Variants in STAT5A observed in about 807,000 individuals in gnomAD.
STAT5A encodes epididymis secretory sperm binding protein.
In STAT5A, 26 loss-of-function variants were observed where a neutral mutation model predicts 100.2. The observed-to-expected ratio is 0.26, with a 90% confidence interval of 0.19 to 0.36. The LOEUF is 0.36. Among genes scored for constraint, STAT5A ranks in the 10% least tolerant of loss-of-function variants. The pLI is 1.00. For synonymous variants in STAT5A, 330 were observed against 424.3 expected (o/e 0.78, Z 2.73); for missense variants, 634 against 1,027.5 (o/e 0.62, Z 5.24).
rs772505608 is a variant in STAT5A at position 42,310,702 on chromosome 17, A to G, written c.*33A>G. On this transcript the variant is annotated 3_prime_UTR_variant, in exon 19 of 19. Transcript: ENST00000590949. The stretch of plus-strand genomic sequence containing the variant: ...AATCCCACGCTTCTCTTTGGAAACA[A>G]TATGCAATGTGAAGCGGTCGTGTTG... 6.2e-7 allele frequency: 1 copy of G among 1,613,362 alleles called. No homozygotes were observed.
chr17:42,292,152 G>C (rs2080875292), intron 4 of STAT5A, 91 bp downstream of exon 4: 1 of 1,463,814 alleles, frequency 6.8e-7, no homozygotes, highest in Non-Finnish European at 9.4e-7. Flanking sequence ...TAAAACAGCA[G>C]CACGAGGAGA....
Position 42,289,468 on chromosome 17 carries a change from G to A in STAT5A, c.57G>A (p.Gln19=). ...QLQGDALRQM[Q]VLYGQHFPIE... is the part of the protein sequence containing the mutation. Reference sequence around the variant, plus strand: ...AGGGAGACGCGCTGCGCCAGATGCAGGTGCTGTACGGCCAGCACTTCCCCA... The same window carrying A: ...AGGGAGACGCGCTGCGCCAGATGCAAGTGCTGTACGGCCAGCACTTCCCCA... The change falls in exon 2 of 19, where the codon CAG becomes CAA. Residue 19 remains glutamine (Q), a synonymous_variant. Transcript: ENST00000590949. 6.2e-7 allele frequency: 1 copy of A among 1,613,162 alleles called. No individual in the cohort carries two copies. Among genetic ancestry groups the A allele is most frequent in the Non-Finnish European group, 8.5e-7 (1 of 1,179,948 alleles).
intron 3 of STAT5A, 165 bp downstream of exon 3, chr17:42,290,187 G>A: frequency 9.3e-7 from 1 of 1,075,698 alleles, no homozygotes; most frequent in South Asian, 2.0e-5. Context: ...AATTCGACCT[G>A]TCGGATTTCT....
intron 17 of STAT5A, 93 bp from the exon 18 acceptor site, chr17:42,309,284 C>T: frequency 1.3e-6 from 2 of 1,542,974 alleles, no homozygotes; most frequent in Non-Finnish European, 1.8e-6. Context: ...CCGTCTACAC[C>T]CCGAGAAAGA....
At chr17:42,307,525 G>A (rs770055041) in intron 14 of STAT5A, 29 bp downstream of exon 14, 1 of 1,613,992 alleles carries the variant, frequency 6.2e-7, no homozygotes, top group Non-Finnish European at 8.5e-7. Context: ...AGGGTCAGGG[G>A]CCAGCTGTGG....
Position 42,308,442 on chromosome 17 carries a change from G to T in STAT5A, c.2062+109G>T, listed in dbSNP as rs894351643. On this transcript the variant is annotated intron_variant, in intron 16 of 18. Coordinates refer to ENST00000590949, the MANE Select transcript of STAT5A (RefSeq NM_001288718.2). This position sits in a 1 kb window ranked among gnomAD's most constrained non-coding sequence, Gnocchi z 4.6. Reference sequence around the variant, plus strand: ...GGACTTCCCCAGGAGGAGCCTAGGGGCCATGTCCCCTGTGGGTTTTGGCCC... The same window carrying T: ...GGACTTCCCCAGGAGGAGCCTAGGGTCCATGTCCCCTGTGGGTTTTGGCCC... 3.3e-6 allele frequency: 5 copies of T among 1,507,384 alleles called. No individual in the cohort carries two copies. Among genetic ancestry groups the T allele is most frequent in the African/African-American group, 2.8e-5 (2 of 72,270 alleles). 93.4% of individuals were successfully genotyped at this position (1,507,384 alleles called of 1,614,324 possible). A position where few individuals can be genotyped will look rare whatever the true frequency, so the allele number is the denominator to read the frequency against.
At chr17:42,302,329 T>C (rs1052984693) in intron 9 of STAT5A, among the ~76,000 whole-genome samples, 1 of 152,052 alleles carries the variant, frequency 6.6e-6, no homozygotes, top group African/African-American at 2.4e-5. Context: ...GGTGTAGCCA[T>C]GTGGCAGGGG....
Position 42,306,547 on chromosome 17 carries a change from C to T in STAT5A, c.1680+100C>T, listed in dbSNP as rs1348665336. On this transcript the variant is annotated intron_variant, in intron 13 of 18. Coordinates refer to ENST00000590949, the MANE Select transcript of STAT5A (RefSeq NM_001288718.2). ...CTGCCTGGGGCTAGCACCCCACTCT[C>T]CACCCCCAACCACTCTCTCCTACAA... 14 of 1,513,448 alleles carry T rather than the reference C, an allele frequency of 9.3e-6. No homozygotes were observed. The Admixed American group carries it at 2.8e-4, about 30-fold the overall frequency. 93.8% of individuals were successfully genotyped at this position (1,513,448 alleles called of 1,614,324 possible). A position where few individuals can be genotyped will look rare whatever the true frequency, so the allele number is the denominator to read the frequency against.
intron 4 of STAT5A, among the ~76,000 whole-genome samples, chr17:42,292,929 G>T (rs1460102299): frequency 6.6e-6 from 1 of 151,958 alleles, no homozygotes; most frequent in Admixed American, 6.6e-5. Context: ...TGCCCGGCCT[G>T]TTCCTACTCT....
At chr17:42,289,258 T>C (rs1276526973) in intron 1 of STAT5A, 144 bp from the exon 2 acceptor site, 4 of 939,822 alleles carry the variant, frequency 4.3e-6, no homozygotes, top group Non-Finnish European at 6.0e-6. Flanking sequence ...ACCATCTCTG[T>C]TCCCGCACAG....
chr17:42,300,222 G>A lies in STAT5A; in HGVS notation c.774G>A (p.Arg258=), dbSNP rs2080962899. 1 of 1,496,944 alleles carries A rather than the reference G, an allele frequency of 6.7e-7. No homozygotes were observed. The highest frequency in any genetic ancestry group is 2.2e-5 in the Admixed American group (1 of 44,958). The allele number at this position is 1,496,944 out of a possible 1,614,324, so 92.7% of individuals were successfully genotyped here. The part of the protein sequence containing the change: ...LDDELIQWKR[R]QQLAGNGGPP... ...ACGAGCTGATCCAGTGGAAGCGGCG[G>A]CAGCAGCTGGCCGGGAACGGCGGGC... Residue 258 remains arginine (R), a synonymous_variant, in exon 7 of 19, where the codon CGG becomes CGA. Coordinates refer to ENST00000590949, the MANE Select transcript of STAT5A (RefSeq NM_001288718.2).
intron 4 of STAT5A, among the ~76,000 whole-genome samples, chr17:42,292,645 G>A (rs1362217152): frequency 6.7e-6 from 1 of 149,752 alleles, no homozygotes; most frequent in South Asian, 2.1e-4. Flanking sequence ...TTTCCCCCCC[G>A]AGATGCAGTC....
chr17:42,300,980 C>T lies in STAT5A; in HGVS notation c.989+110C>T, dbSNP rs2080972256. 2.6e-6 allele frequency: 4 copies of T among 1,563,798 alleles called. No individual in the cohort carries two copies. In the Admixed American group the frequency reaches 5.6e-5, roughly 22 times the overall value. On this transcript the variant is annotated intron_variant, in intron 8 of 18. Transcript: ENST00000590949. ...CAGATCCACTTCCTGCCTCTCATCC[C>T]TCCCAACTCCATCTCCAGTTGCTGT...
chr17:42,304,509 C>G lies in STAT5A; in HGVS notation c.1258-21C>G. The G allele has an allele frequency of 1.9e-6, 3 of 1,614,196 alleles. No homozygotes were observed. The South Asian group carries it at 3.3e-5, about 18-fold the overall frequency. ...AAGCAGCCGCCATCTCCCTGTTCCC[C>G]TGTCACCTCCCACCCTGCAGTCACT... is the stretch of plus-strand genomic sequence containing the variant. On this transcript the variant is annotated intron_variant, in intron 10 of 18. Coordinates refer to ENST00000590949, the MANE Select transcript of STAT5A (RefSeq NM_001288718.2). This position sits in a 1 kb window ranked among gnomAD's most constrained non-coding sequence, Gnocchi z 4.8.
In STAT5A at chr17:42,304,141, G is replaced by A. The variant is rs1475792371; in HGVS notation, c.1170-201G>A. 1 of 592,190 alleles carries A rather than the reference G, an allele frequency of 1.7e-6. No homozygotes were observed. The highest frequency in any genetic ancestry group is 3.0e-6 in the Non-Finnish European group (1 of 332,132). 36.7% of individuals were successfully genotyped at this position (592,190 alleles called of 1,614,324 possible). A position where few individuals can be genotyped will look rare whatever the true frequency, so the allele number is the denominator to read the frequency against. On this transcript the variant is annotated intron_variant, in intron 9 of 18. Coordinates refer to ENST00000590949, the MANE Select transcript of STAT5A (RefSeq NM_001288718.2). This position sits in a 1 kb window ranked among gnomAD's most constrained non-coding sequence, Gnocchi z 4.8. Reference sequence around the variant, plus strand: ...ATGATAGATCCAGACCTCACCACTGGAGACCTTGCCTTGGGTGCTGGGCAC... The same window carrying A: ...ATGATAGATCCAGACCTCACCACTGAAGACCTTGCCTTGGGTGCTGGGCAC...
In STAT5A at chr17:42,308,723, A is replaced by C; in HGVS notation, c.2063-324A>C. On this transcript the variant is annotated intron_variant, in intron 16 of 18. Transcript: ENST00000590949. The surrounding 1 kb of genome is among the most constrained non-coding windows in gnomAD (Gnocchi z 4.6). ...GAGTGGAGTGCAGGCAGCAAAAGGGAGAAGTCTCTCTTCTTCCAGCTGCCC... is the reference window on the plus strand; with the variant it reads ...GAGTGGAGTGCAGGCAGCAAAAGGGCGAAGTCTCTCTTCTTCCAGCTGCCC... 2.0e-6 allele frequency: 1 copy of C among 499,064 alleles called. No individual in the cohort carries two copies. Among genetic ancestry groups the C allele is most frequent in the East Asian group, 3.7e-5 (1 of 27,204 alleles). 30.9% of individuals were successfully genotyped at this position (499,064 alleles called of 1,614,324 possible).
chr17:42,295,698 G>T lies in STAT5A; in HGVS notation c.455G>T (p.Arg152Leu). Residue 152 changes from arginine to leucine, a missense_variant, in exon 5 of 19, where the codon CGA (arginine) becomes CTA (leucine). Physicochemically the swap from Arg to Leu is moderately radical, Grantham distance 102 (BLOSUM62 -2). Transcript: ENST00000590949. ...ATCAACCAGACATTTGAGGAGCTGC[G>T]ACTGGTCACGCAGGACACAGAGAAT... ...LQINQTFEEL[R>L]LVTQDTENEL... The T allele has an allele frequency of 2.5e-6, 4 of 1,613,856 alleles. No individual in the cohort carries two copies. Among genetic ancestry groups the T allele is most frequent in the Non-Finnish European group, 1.7e-6 (2 of 1,179,932 alleles).
rs546422743 is a variant in STAT5A, at chr17:42,307,817, G to A, written c.1906+94G>A. 70 of 1,535,620 alleles carry A rather than the reference G, an allele frequency of 4.6e-5. No individual in the cohort carries two copies. The African/African-American group carries it at 8.5e-4, about 19-fold the overall frequency. On this transcript the variant is annotated intron_variant, in intron 15 of 18. Coordinates refer to ENST00000590949, the MANE Select transcript of STAT5A (RefSeq NM_001288718.2). ...ACCCTCCATCGGGCCTGTGTCCTTAGAAGGTACCCAGCGGGAAGCTTAGTA... is the reference window on the plus strand; with the variant it reads ...ACCCTCCATCGGGCCTGTGTCCTTAAAAGGTACCCAGCGGGAAGCTTAGTA...
At position 42,304,944 on chromosome 17, in the gene STAT5A, G is replaced by A. The variant is rs2081014071; in HGVS notation, c.1380+292G>A. On this transcript the variant is annotated intron_variant, in intron 11 of 18. Transcript: ENST00000590949. The surrounding 1 kb of genome is among the most constrained non-coding windows in gnomAD (Gnocchi z 4.8). ...GGACCAGGTGTGGTGGCTCTCACCT[G>A]TAATTCCAGCATTTTGGGAGGCAGA... 6.6e-6 allele frequency among the ~76,000 whole-genome samples: 1 copy of A among 152,210 alleles called. No homozygotes were observed. The highest frequency in any genetic ancestry group is 1.5e-5 in the Non-Finnish European group (1 of 68,036).
Sources: allele counts gnomAD v4.1 joint callset (sites outside exome capture counted in the v4.1 genomes callset), GRCh38; gene constraint gnomAD v4.1.1; non-coding constraint Gnocchi (gnomAD v3.1); transcripts MANE v1.5; gene names NCBI Gene and HGNC (gene_info 2026-07-23, HGNC 2026-07-21).